Variants in SMAP2 observed in about 807,000 individuals in gnomAD.
SMAP2 encodes the protein stromal membrane-associated protein 2.
A neutral mutation model predicts 56.4 loss-of-function variants in SMAP2; 25 were observed. The ratio of observed to expected loss-of-function variants is 0.44; its 90% CI spans 0.32 to 0.62. The LOEUF (loss-of-function observed/expected upper bound fraction) is 0.62, where lower values mean the gene tolerates loss of function less well. Among genes scored for constraint, SMAP2 ranks in the 20% least tolerant of loss-of-function variants. The pLI, the probability that SMAP2 is intolerant of heterozygous loss-of-function variation, is 0.04. For synonymous variants in SMAP2, 157 were observed against 181.7 expected, an observed-to-expected ratio of 0.86 and a Z score of 1.09; for missense variants, 388 against 545.6, an observed-to-expected ratio of 0.71 and a Z score of 2.88.
In SMAP2 at chr1:40,408,521, C is replaced by T. The variant is rs1250104342; in HGVS notation, c.238-132C>T. 7 of 643,342 alleles carry T rather than the reference C, an allele frequency of 1.1e-5. No homozygotes were observed. The highest frequency in any genetic ancestry group is 1.9e-5 in the African/African-American group (1 of 53,740). 39.9% of individuals were successfully genotyped at this position (643,342 alleles called of 1,614,324 possible). ...GAATCATGAATTGGAAATCAGAATACACAAGTTTAAATGTTGGTTCTGACA... is the reference window on the plus strand; with the variant it reads ...GAATCATGAATTGGAAATCAGAATATACAAGTTTAAATGTTGGTTCTGACA... On this transcript the variant is annotated intron_variant, in intron 2 of 9. Transcript: ENST00000372718. The surrounding 1 kb of genome is among the most constrained non-coding windows in gnomAD (Gnocchi z 4.3).
rs1645057437 is a variant in SMAP2, at chr1:40,422,902, G to A, written c.*801G>A. 2 of 152,884 alleles carry A rather than the reference G, an allele frequency of 1.3e-5. No homozygotes were observed. Among genetic ancestry groups the A allele is most frequent in the South Asian group, 2.1e-4 (1 of 4,842 alleles). 9.5% of individuals were successfully genotyped at this position (152,884 alleles called of 1,614,324 possible). The stretch of plus-strand genomic sequence containing the variant: ...ACTGCTTGTGTGTGTGCGTGAGTGT[G>A]TGTGTGTGTATGAGTGTGTGTTCCG... On this transcript the variant is annotated 3_prime_UTR_variant, in exon 10 of 10. Transcript: ENST00000372718.
intron 5 of SMAP2, among the ~76,000 whole-genome samples, 194 bp downstream of exon 5, chr1:40,413,296 A>G (rs1644955817): frequency 6.6e-6 from 1 of 152,190 alleles, no homozygotes; most frequent in African/African-American, 2.4e-5. Flanking sequence ...CTGCTCTGTA[A>G]GGGCTTCGCT....
rs1440023504 is a variant in SMAP2, at chr1:40,408,328, A to G, written c.238-325A>G. The stretch of plus-strand genomic sequence containing the variant: ...TGATAACACTGATCATTGCCTGCCA[A>G]GTAGACATTTTAATTGGTAGCTGTG... On this transcript the variant is annotated intron_variant, in intron 2 of 9. Transcript: ENST00000372718. This position sits in a 1 kb window ranked among gnomAD's most constrained non-coding sequence, Gnocchi z 4.3. Among the ~76,000 whole-genome samples, 1 of 152,232 alleles carries G rather than the reference A, an allele frequency of 6.6e-6. No individual in the cohort carries two copies. The highest frequency in any genetic ancestry group is 1.5e-5 in the Non-Finnish European group (1 of 68,034).
chr1:40,407,207 G>C (rs932209246), intron 2 of SMAP2, among the ~76,000 whole-genome samples: 1 of 152,090 alleles, frequency 6.6e-6, no homozygotes, highest in Non-Finnish European at 1.5e-5. Flanking sequence ...ACTTTTGGTC[G>C]GGCACGGTGG....
chr1:40,379,096 C>T (rs1397115440), intron 1 of SMAP2, among the ~76,000 whole-genome samples: 1 of 151,806 alleles, frequency 6.6e-6, no homozygotes, highest in Non-Finnish European at 1.5e-5. Flanking sequence ...TCTCCTGCCT[C>T]AGCCTCTCGA....
chr1:40,365,697 T>C (rs944790144), intron 2 of SMAP2, among the ~76,000 whole-genome samples: 2 of 151,940 alleles, frequency 1.3e-5, no homozygotes, highest in Non-Finnish European at 2.9e-5. Flanking sequence ...CAAAAACCCA[T>C]CTGTACATCA....
intron 1 of SMAP2, among the ~76,000 whole-genome samples, chr1:40,393,887 T>C (rs1014534315): frequency 1.3e-5 from 2 of 152,130 alleles, no homozygotes; most frequent in South Asian, 2.1e-4. Context: ...ACAGAATCAA[T>C]GAGTTTCTTC....
intron 2 of SMAP2, among the ~76,000 whole-genome samples, chr1:40,362,745 T>C (rs1423134751): frequency 6.6e-6 from 1 of 152,086 alleles, no homozygotes. Flanking sequence ...GAGTAGGCCT[T>C]GGTCAGTTAT....
At chr1:40,400,801 G>A (rs958891671) in intron 1 of SMAP2, among the ~76,000 whole-genome samples, 3 of 77,410 alleles carry the variant, frequency 3.9e-5, no homozygotes, top group African/African-American at 1.9e-4. Flanking sequence ...ACAGATTTGT[G>A]TTTTAGAAAG....
chr1:40,414,421 C>T (rs1304269478), intron 6 of SMAP2, among the ~76,000 whole-genome samples, 181 bp downstream of exon 6: 3 of 152,238 alleles, frequency 2.0e-5, no homozygotes, highest in East Asian at 3.8e-4. Flanking sequence ...TTTACTGTGA[C>T]ACTTTTCAGA....
In SMAP2 at chr1:40,374,318, C is replaced by A; in HGVS notation, c.103+95C>A. 1 of 1,045,676 alleles carries A rather than the reference C, an allele frequency of 9.6e-7. No individual in the cohort carries two copies. The highest frequency in any genetic ancestry group is 1.5e-6 in the Non-Finnish European group (1 of 687,670). The allele number at this position is 1,045,676 out of a possible 1,614,324, so 64.8% of individuals were successfully genotyped here. A position where few individuals can be genotyped will look rare whatever the true frequency, so the allele number is the denominator to read the frequency against. ...GGCGGTTTCTGAAGCTTAGGCCGCCCAACTCGGCTTATAAGTGGTAACGCG... is the reference window on the plus strand; with the variant it reads ...GGCGGTTTCTGAAGCTTAGGCCGCCAAACTCGGCTTATAAGTGGTAACGCG... On this transcript the variant is annotated intron_variant, in intron 1 of 9. Transcript: ENST00000372718. The surrounding 1 kb of genome is among the most constrained non-coding windows in gnomAD (Gnocchi z 5.9).
Position 40,421,998 on chromosome 1 carries a change from T to A in SMAP2, c.1187T>A (p.Met396Lys). The change falls in exon 10 of 10, where the codon ATG becomes AAG. Residue 396 changes from methionine (M) to lysine (K), a missense_variant. Met to Lys is a moderately conservative substitution (Grantham distance 95, BLOSUM62 -1). Transcript: ENST00000372718. ...LTQMTQQMAG[M>K]NFYGANGMMN... Reference sequence around the variant, plus strand: ...CAGATGACCCAGCAGATGGCTGGGATGAACTTCTATGGAGCCAATGGCATG... The same window carrying A: ...CAGATGACCCAGCAGATGGCTGGGAAGAACTTCTATGGAGCCAATGGCATG... 6.2e-7 allele frequency: 1 copy of A among 1,614,160 alleles called. No individual in the cohort carries two copies. The highest frequency in any genetic ancestry group is 1.1e-5 in the South Asian group (1 of 91,084).
intron 1 of SMAP2, among the ~76,000 whole-genome samples, chr1:40,356,398 G>GTTTTTTTTTTTTTTTTTTTTTTT (rs749954980): frequency 1.4e-5 from 2 of 147,186 alleles, no homozygotes; most frequent in Non-Finnish European, 3.0e-5. Flanking sequence ...TTTTTTGTGG[G>GTTTTTTTTTTTTTTTTTTTTTTT]TTTTTTGTTT....
intron 1 of SMAP2, among the ~76,000 whole-genome samples, chr1:40,393,187 G>A (rs1478445815): frequency 2.8e-5 from 4 of 145,276 alleles, no homozygotes; most frequent in Non-Finnish European, 4.5e-5. Context: ...CTGGCCAGGC[G>A]TGGTAGCACA....
chr1:40,354,612 C>T (rs1435011264), intron 1 of SMAP2, among the ~76,000 whole-genome samples: 1 of 152,010 alleles, frequency 6.6e-6, no homozygotes, highest in Non-Finnish European at 1.5e-5. Context: ...GCTGGGATTA[C>T]AGGCGTGAGC....
chr1:40,348,568 AC>A (rs1644398420), intron 1 of SMAP2, among the ~76,000 whole-genome samples: 1 of 151,826 alleles, frequency 6.6e-6, no homozygotes, highest in African/African-American at 2.4e-5. Context: ...GGTGGCGTGC[AC>A]CAGAGAATGA....
intron 2 of SMAP2, among the ~76,000 whole-genome samples, chr1:40,364,297 G>A (rs1188583495): frequency 6.6e-6 from 1 of 151,662 alleles, no homozygotes; most frequent in Admixed American, 6.6e-5. Flanking sequence ...CTGATTTAAA[G>A]AAAAAAAAGA....
At chr1:40,371,382 A>G (rs1379590451), upstream of SMAP2, among the ~76,000 whole-genome samples, 1 of 152,182 alleles carries the variant, frequency 6.6e-6, no homozygotes, top group Non-Finnish European at 1.5e-5. Context: ...TAGTAATGAT[A>G]ATAAAAAGAG....
Position 40,374,501 on chromosome 1 carries a change from G to T in SMAP2, c.103+278G>T, listed in dbSNP as rs1569836844. On this transcript the variant is annotated intron_variant, in intron 1 of 9. Coordinates refer to ENST00000372718, the MANE Select transcript of SMAP2 (RefSeq NM_022733.3). This position sits in a 1 kb window ranked among gnomAD's most constrained non-coding sequence, Gnocchi z 5.9. Reference sequence around the variant, plus strand: ...CAGGTGAGAATGTCTGTATTTGAGGGCTCTGAATGAGTTCTGGGCCGGCTG... The same window carrying T: ...CAGGTGAGAATGTCTGTATTTGAGGTCTCTGAATGAGTTCTGGGCCGGCTG... 1.4e-6 allele frequency: 1 copy of T among 731,892 alleles called. No individual in the cohort carries two copies. 45.3% of individuals were successfully genotyped at this position (731,892 alleles called of 1,614,324 possible). A position where few individuals can be genotyped will look rare whatever the true frequency, so the allele number is the denominator to read the frequency against.
Sources: gnomAD v4.1 joint callset for allele counts (sites outside exome capture counted in the v4.1 genomes callset) on GRCh38, gnomAD v4.1.1 for gene constraint, Gnocchi (gnomAD v3.1) non-coding constraint, MANE v1.5 for transcripts, NCBI Gene and HGNC (gene_info 2026-07-23, HGNC 2026-07-21) for gene names.